ZBTB38: variants seen among roughly 807,000 people sequenced by gnomAD.
ZBTB38 encodes zinc finger and BTB domain-containing protein 38.
In ZBTB38, 20 loss-of-function variants were observed where a neutral mutation model predicts 76.8. The ratio of observed to expected loss-of-function variants is 0.26; its 90% CI spans 0.18 to 0.38. The LOEUF is 0.38. ZBTB38 is among the 10% of genes least tolerant of loss of function. The pLI, the probability that ZBTB38 is intolerant of heterozygous loss-of-function variation, is 1.00. For synonymous variants in ZBTB38, 504 were observed against 544.2 expected, an observed-to-expected ratio of 0.93 and a Z score of 1.03; for missense variants, 1,082 against 1,482.3, an observed-to-expected ratio of 0.73 and a Z score of 4.43.
intron 1 of ZBTB38, among the ~76,000 whole-genome samples, chr3:141,336,304 T>G (rs917871457): frequency 2.6e-4 from 39 of 151,820 alleles, no homozygotes; most frequent in African/African-American, 9.2e-4. Context: ...CCCATGCCAA[T>G]AGCTCCATTA....
intron 4 of ZBTB38, among the ~76,000 whole-genome samples, chr3:141,394,956 C>T (rs1950001062): frequency 6.6e-6 from 1 of 152,204 alleles, no homozygotes; most frequent in African/African-American, 2.4e-5. Flanking sequence ...GACCAGTGCT[C>T]TTTTGACTAA....
chr3:141,343,465 A>C (rs1943256353), intron 1 of ZBTB38, among the ~76,000 whole-genome samples: 1 of 152,048 alleles, frequency 6.6e-6, no homozygotes. Flanking sequence ...GGGGGAGGAG[A>C]AGGACTCTGA....
intron 5 of ZBTB38, among the ~76,000 whole-genome samples, chr3:141,429,437 AG>A (rs2077028798): frequency 6.6e-6 from 1 of 152,158 alleles, no homozygotes; most frequent in African/African-American, 2.4e-5. Context: ...AGACAGCAGC[AG>A]GTTGCTTTTT....
chr3:141,377,550 T>C (rs895117073), intron 2 of ZBTB38, among the ~76,000 whole-genome samples: 6 of 152,204 alleles, frequency 3.9e-5, no homozygotes, highest in African/African-American at 1.4e-4. Flanking sequence ...TGGCAGTTTC[T>C]TATAAAAGTT....
At chr3:141,392,101 T>C (rs1949045919) in intron 4 of ZBTB38, among the ~76,000 whole-genome samples, 2 of 152,334 alleles carry the variant, frequency 1.3e-5, no homozygotes, top group Non-Finnish European at 2.9e-5. Flanking sequence ...AGAAGCACCG[T>C]CTAAAATTGA....
chr3:141,432,059 A>G (rs1168123173), intron 5 of ZBTB38: 1 of 983,824 alleles, frequency 1.0e-6, no homozygotes, highest in Non-Finnish European at 1.2e-6. Context: ...GTCACCCAAC[A>G]TGACTTTGAG....
chr3:141,395,686 T>C (rs1448747130), intron 4 of ZBTB38, among the ~76,000 whole-genome samples: 1 of 152,210 alleles, frequency 6.6e-6, no homozygotes, highest in African/African-American at 2.4e-5. Flanking sequence ...ACTTCACTTA[T>C]AAACTCTAAA....
chr3:141,351,712 T>A (rs1943520823), intron 1 of ZBTB38, among the ~76,000 whole-genome samples: 1 of 130,356 alleles, frequency 7.7e-6, no homozygotes. Context: ...AGAGCAAGAC[T>A]CTGTCTCTTA....
At chr3:141,384,189 A>C (rs1002948310) in intron 3 of ZBTB38, among the ~76,000 whole-genome samples, 2 of 152,222 alleles carry the variant, frequency 1.3e-5, no homozygotes, top group East Asian at 3.8e-4. Flanking sequence ...GCTAGTTTTG[A>C]CAGAGGGTGG....
chr3:141,379,264 A>AAGAG (rs1337976900), intron 2 of ZBTB38, among the ~76,000 whole-genome samples: 1 of 152,222 alleles, frequency 6.6e-6, no homozygotes, highest in Non-Finnish European at 1.5e-5. Context: ...CATTTAGGTC[A>AAGAG]AGAGGGACTT....
chr3:141,435,463 A>C (rs957610190), intron 5 of ZBTB38, among the ~76,000 whole-genome samples: 1 of 152,216 alleles, frequency 6.6e-6, no homozygotes, highest in Non-Finnish European at 1.5e-5. Flanking sequence ...TATGCATTTT[A>C]AAAATATACT....
At chr3:141,416,670 C>T (rs1232330982) in intron 5 of ZBTB38, among the ~76,000 whole-genome samples, 17 of 152,186 alleles carry the variant, frequency 1.1e-4, no homozygotes, top group Admixed American at 1.0e-3. Context: ...AGGGTCTTCA[C>T]AGATGTAATT....
rs149141785 is a variant in ZBTB38 at position 141,445,265 on chromosome 3, T to C, written c.2877T>C (p.Asp959=). 517 of 1,614,092 alleles carry C rather than the reference T, an allele frequency of 3.2e-4. No individual in the cohort carries two copies. The African/African-American group carries it at 6.1e-3, about 19-fold the overall frequency. ...AATGTAAATACCCAGCAGAACTGGA[T>C]TGCGCCGTGGGGAAGGCTCCTCAGG... The part of the protein sequence containing the change: ...SHKCKYPAEL[D]CAVGKAPQDK... Residue 959 remains aspartate (D), a synonymous_variant, in exon 6 of 6, where the codon GAT becomes GAC. Coordinates refer to ENST00000321464, the MANE Select transcript of ZBTB38 (RefSeq NM_001376113.1). This position sits in a 1 kb window ranked among gnomAD's most constrained non-coding sequence, Gnocchi z 6.5.
chr3:141,330,773 T>C (rs534599514), intron 1 of ZBTB38, among the ~76,000 whole-genome samples: 76 of 152,262 alleles, frequency 5.0e-4, no homozygotes, highest in African/African-American at 1.7e-3. Context: ...GGATTAATGG[T>C]TAAAGGGTTA....
At chr3:141,415,251 G>A (rs1333583630) in intron 5 of ZBTB38, among the ~76,000 whole-genome samples, 1 of 152,110 alleles carries the variant, frequency 6.6e-6, no homozygotes, top group Non-Finnish European at 1.5e-5. Context: ...CATTTTCGTT[G>A]TAGGAGTTGG....
At position 141,373,111 on chromosome 3, in the gene ZBTB38, G is replaced by A. The variant is rs182702638; in HGVS notation, c.-235+3165G>A. Among the ~76,000 whole-genome samples, 21 of 152,314 alleles carry A rather than the reference G, an allele frequency of 1.4e-4. No homozygotes were observed. The East Asian group carries it at 2.1e-3, about 15-fold the overall frequency. On this transcript the variant is annotated intron_variant, in intron 2 of 5. Transcript: ENST00000321464. ...TAGATCCCTGTGACCACTGGATGCT[G>A]AGTGACCTCACAGACAACATCAGCA... is the stretch of plus-strand genomic sequence containing the variant.
intron 1 of ZBTB38, among the ~76,000 whole-genome samples, chr3:141,340,940 A>AG: frequency 1.7e-5 from 2 of 115,146 alleles, no homozygotes; most frequent in Non-Finnish European, 3.5e-5. Flanking sequence ...AAGAAAAGAA[A>AG]AGAAAGAAGG....
intron 1 of ZBTB38, among the ~76,000 whole-genome samples, chr3:141,350,033 A>G (rs1031053764): frequency 6.6e-6 from 1 of 152,238 alleles, no homozygotes; most frequent in African/African-American, 2.4e-5. Context: ...GATAGAAATC[A>G]TAAAACGAAA....
At chr3:141,417,371 A>G (rs2074301273) in intron 5 of ZBTB38, among the ~76,000 whole-genome samples, 1 of 152,148 alleles carries the variant, frequency 6.6e-6, no homozygotes, top group Admixed American at 6.5e-5. Flanking sequence ...GGCTTCTCAG[A>G]GGGAGCACAG....
Sources: allele counts gnomAD v4.1 joint callset (sites outside exome capture counted in the v4.1 genomes callset), GRCh38; gene constraint gnomAD v4.1.1; non-coding constraint Gnocchi (gnomAD v3.1); transcripts MANE v1.5; gene names NCBI Gene and HGNC (gene_info 2026-07-23, HGNC 2026-07-21).